The following STK32B variants were observed in gnomAD, a reference collection of about 807,000 sequenced individuals.
STK32B encodes serine/threonine kinase 32B.
In STK32B, 43 loss-of-function variants were observed where a neutral mutation model predicts 52.6. The ratio of observed to expected loss-of-function variants is 0.82; its 90% CI spans 0.64 to 1.05. The LOEUF (loss-of-function observed/expected upper bound fraction) is 1.05, where lower values mean the gene tolerates loss of function less well. STK32B is among the 50% of genes least tolerant of loss of function. STK32B has a pLI of 0.00. For synonymous variants in STK32B, 238 were observed against 204.3 expected, an observed-to-expected ratio of 1.17 and a Z score of -1.41; for missense variants, 621 against 534.6, an observed-to-expected ratio of 1.16 and a Z score of -1.59.
chr4:5,333,345 T>G (rs369221662), intron 4 of STK32B, among the ~76,000 whole-genome samples: 12,012 of 152,170 alleles, frequency 0.079, 976 homozygotes, highest in African/African-American at 0.18. Flanking sequence ...TCTTGTAAAT[T>G]TGTTTGAGTT....
chr4:5,469,548 G>T lies in STK32B; in HGVS notation c.1106+1478G>T, dbSNP rs1488025912. Among the ~76,000 whole-genome samples, 1 of 152,204 alleles carries T rather than the reference G, an allele frequency of 6.6e-6. No homozygotes were observed. Among genetic ancestry groups the T allele is most frequent in the Non-Finnish European group, 1.5e-5 (1 of 68,038 alleles). On this transcript the variant is annotated intron_variant, in intron 11 of 11. Transcript: ENST00000282908. This position sits in a 1 kb window ranked among gnomAD's most constrained non-coding sequence, Gnocchi z 4.7. ...AGGGATGGGGCAGGGATGGGTGTTT[G>T]GGTTCCAGCCATGGGCCAGTGGGCA...
chr4:5,098,075 T>A (rs73794780), intron 1 of STK32B, among the ~76,000 whole-genome samples: 2,492 of 152,212 alleles, frequency 0.016, 75 homozygotes, highest in African/African-American at 0.055. Context: ...AGTGGCAGGG[T>A]TCCAAGAAAC....
intron 3 of STK32B, among the ~76,000 whole-genome samples, chr4:5,179,471 AGAT>A: frequency 6.6e-6 from 1 of 152,194 alleles, no homozygotes; most frequent in South Asian, 2.1e-4. Context: ...TATGATGCAT[AGAT>A]GATAAATACA....
intron 4 of STK32B, among the ~76,000 whole-genome samples, chr4:5,334,660 T>A (rs59106161): frequency 2.0e-5 from 3 of 147,954 alleles, no homozygotes; most frequent in Admixed American, 2.0e-4. Flanking sequence ...CATCAATACC[T>A]AATTTATTGA....
At chr4:5,239,301 G>A (rs1724843738) in intron 3 of STK32B, among the ~76,000 whole-genome samples, 1 of 152,196 alleles carries the variant, frequency 6.6e-6, no homozygotes, top group African/African-American at 2.4e-5. Flanking sequence ...AATAATGCAT[G>A]GGTGGGAGTG....
intron 6 of STK32B, among the ~76,000 whole-genome samples, chr4:5,433,814 A>G (rs1311241468): frequency 6.6e-6 from 1 of 152,200 alleles, no homozygotes; most frequent in East Asian, 1.9e-4. Flanking sequence ...AGGTGATTGT[A>G]TGCTTTCCAT....
intron 3 of STK32B, among the ~76,000 whole-genome samples, chr4:5,195,581 T>C (rs1182987470): frequency 6.6e-6 from 1 of 152,102 alleles, no homozygotes; most frequent in South Asian, 2.1e-4. Context: ...TAATTCCAGC[T>C]ACTTGGGAGA....
rs182881350 is a variant in STK32B, at chr4:5,485,977, T to G, written c.1107-12968T>G. 3.7e-4 allele frequency among the ~76,000 whole-genome samples: 57 copies of G among 152,338 alleles called. No individual in the cohort carries two copies. In the East Asian group the frequency reaches 0.011, roughly 29 times the overall value. ...TGTCTCAGGGGAGTACCTGGCCGTG[T>G]GAGGTGTCAGTCTGCCCCTACTGCG... On this transcript the variant is annotated intron_variant, in intron 11 of 11. Transcript: ENST00000282908.
chr4:5,278,124 G>A (rs540523453), intron 3 of STK32B, among the ~76,000 whole-genome samples: 4 of 152,220 alleles, frequency 2.6e-5, no homozygotes, highest in Middle Eastern at 3.2e-3. Flanking sequence ...AGAAGATGAC[G>A]TGGGAGGTTT....
intron 3 of STK32B, among the ~76,000 whole-genome samples, chr4:5,200,974 G>T (rs990375939): frequency 6.6e-6 from 1 of 152,208 alleles, no homozygotes. Context: ...TTGGATGGGC[G>T]GAGGAAGCAG....
intron 5 of STK32B, among the ~76,000 whole-genome samples, chr4:5,402,952 C>T (rs1182489083): frequency 5.9e-5 from 9 of 152,184 alleles, no homozygotes; most frequent in Admixed American, 5.9e-4. Context: ...TTTCTTGTGG[C>T]CGTGGGATGG....
chr4:5,285,100 G>A (rs992212220), intron 3 of STK32B, among the ~76,000 whole-genome samples: 6 of 152,078 alleles, frequency 3.9e-5, no homozygotes, highest in African/African-American at 1.4e-4. Flanking sequence ...TGTCATAATA[G>A]CATTTTAATT....
intron 2 of STK32B, among the ~76,000 whole-genome samples, chr4:5,155,329 T>G (rs767558896): frequency 8.5e-5 from 13 of 152,214 alleles, no homozygotes; most frequent in Non-Finnish European, 1.9e-4. Context: ...TTCAGATGTC[T>G]TCTTGGTTAT....
At chr4:5,473,534 G>A (rs1240664781) in intron 11 of STK32B, among the ~76,000 whole-genome samples, 1 of 152,218 alleles carries the variant, frequency 6.6e-6, no homozygotes, top group African/African-American at 2.4e-5. Context: ...ACAGCCAAGA[G>A]GTGGCAGAGC....
intron 4 of STK32B, among the ~76,000 whole-genome samples, chr4:5,351,748 AAAATCAG>A (rs1410626464): frequency 6.6e-6 from 1 of 152,058 alleles, no homozygotes. Context: ...AAACCCAAAT[AAAATCAG>A]AAATGACAAA....
In STK32B at chr4:5,460,520, A is replaced by G. The variant is rs11728680; in HGVS notation, c.909+292A>G. Among the ~76,000 whole-genome samples, 52,166 of 151,954 alleles carry G rather than the reference A, an allele frequency of 0.34. 9,957 individuals carry two copies. Among genetic ancestry groups the G allele is most frequent in the Non-Finnish European group, 0.43 (29,446 of 67,948 alleles). On this transcript the variant is annotated intron_variant, in intron 9 of 11. Transcript: ENST00000282908. This position sits in a 1 kb window ranked among gnomAD's most constrained non-coding sequence, Gnocchi z 4.8. ...AGGTGTGGGGATAGCAGGCTGATCT[A>G]CCCTTCTGCCTCCACAGAGCTGACT...
intron 4 of STK32B, among the ~76,000 whole-genome samples, chr4:5,375,293 A>C (rs894764904): frequency 6.6e-6 from 1 of 152,082 alleles, no homozygotes; most frequent in Non-Finnish European, 1.5e-5. Flanking sequence ...GCCTGTACAC[A>C]GCCTGCTCCT....
intron 3 of STK32B, among the ~76,000 whole-genome samples, chr4:5,321,253 G>A (rs1239806492): frequency 3.9e-5 from 6 of 152,100 alleles, no homozygotes; most frequent in Admixed American, 3.9e-4. Context: ...AGAGCAAGGA[G>A]CCTCGGTCAA....
At chr4:5,177,735 G>A (rs1720032655) in intron 3 of STK32B, among the ~76,000 whole-genome samples, 1 of 152,264 alleles carries the variant, frequency 6.6e-6, no homozygotes, top group South Asian at 2.1e-4. Flanking sequence ...CCAAAACAGG[G>A]GGGCTACATG....
Sources: gnomAD v4.1 joint callset for allele counts (sites outside exome capture counted in the v4.1 genomes callset) on GRCh38, gnomAD v4.1.1 for gene constraint, Gnocchi (gnomAD v3.1) non-coding constraint, MANE v1.5 for transcripts, NCBI Gene and HGNC (gene_info 2026-07-23, HGNC 2026-07-21) for gene names.